AFF1: variants seen among roughly 807,000 people sequenced by gnomAD.
AFF1 encodes the protein ALF transcription elongation factor 1.
Under a neutral mutation model 121.7 loss-of-function variants are expected in AFF1, and 48 were observed. That is an observed-to-expected ratio of 0.39 (90% confidence interval 0.31 to 0.50). AFF1 has a LOEUF of 0.50. AFF1 is among the 20% of genes least tolerant of loss of function. The pLI is 0.76. For synonymous variants in AFF1, 613 were observed against 563.0 expected, an observed-to-expected ratio of 1.09 and a Z score of -1.26; for missense variants, 1,523 against 1,511.7, an observed-to-expected ratio of 1.01 and a Z score of -0.12.
chr4:87,109,232 C>G (rs1447313120), intron 11 of AFF1, among the ~76,000 whole-genome samples: 2 of 152,162 alleles, frequency 1.3e-5, no homozygotes, highest in African/African-American at 2.4e-5. Context: ...CTGTATTTGT[C>G]TCTGTTTAGA....
chr4:86,958,771 A>C (rs1351840697), intron 2 of AFF1, among the ~76,000 whole-genome samples: 10 of 152,188 alleles, frequency 6.6e-5, no homozygotes, highest in Admixed American at 6.5e-4. Flanking sequence ...TCTTGATCCA[A>C]GGAAACCAAA....
intron 2 of AFF1, among the ~76,000 whole-genome samples, chr4:87,003,104 T>C (rs1253757116): frequency 6.6e-6 from 1 of 152,198 alleles, no homozygotes; most frequent in African/African-American, 2.4e-5. Flanking sequence ...TAATTTTAGA[T>C]GTATTATAAT....
At position 87,138,225 on chromosome 4, in the gene AFF1, G is replaced by A. The variant is rs1352208044; in HGVS notation, c.*2524G>A. The stretch of plus-strand genomic sequence containing the variant: ...AGGTAGTGGCTGATGAATCCTTAAC[G>A]TTCATAGGGTCTTTTTGCTGTTACG... On this transcript the variant is annotated 3_prime_UTR_variant, in exon 21 of 21. Coordinates refer to ENST00000395146, the MANE Select transcript of AFF1 (RefSeq NM_001166693.3). 1 of 232,380 alleles carries A rather than the reference G, an allele frequency of 4.3e-6. No individual in the cohort carries two copies. Among genetic ancestry groups the A allele is most frequent in the African/African-American group, 2.2e-5 (1 of 45,276 alleles). The allele number at this position is 232,380 out of a possible 1,614,324, so 14.4% of individuals were successfully genotyped here. A position where few individuals can be genotyped will look rare whatever the true frequency, so the allele number is the denominator to read the frequency against.
At chr4:87,072,021 G>A (rs1722111714) in intron 4 of AFF1, among the ~76,000 whole-genome samples, 1 of 152,104 alleles carries the variant, frequency 6.6e-6, no homozygotes, top group African/African-American at 2.4e-5. Context: ...GGCAGACGAT[G>A]AGAGAAATAA....
At chr4:87,043,719 T>G (rs994521825) in intron 2 of AFF1, among the ~76,000 whole-genome samples, 1 of 152,254 alleles carries the variant, frequency 6.6e-6, no homozygotes, top group Non-Finnish European at 1.5e-5. Flanking sequence ...TTATTAACTT[T>G]GTGGTTTTAA....
chr4:87,034,666 A>G (rs976379080), intron 2 of AFF1, among the ~76,000 whole-genome samples: 5 of 152,250 alleles, frequency 3.3e-5, no homozygotes, highest in African/African-American at 1.2e-4. Context: ...AGAATAAAAC[A>G]TGTAACATTA....
chr4:87,022,543 G>GATAT (rs1156817444), intron 2 of AFF1, among the ~76,000 whole-genome samples: 89 of 80,156 alleles, frequency 1.1e-3, no homozygotes, highest in African/African-American at 3.1e-3. Flanking sequence ...CGTGCTTACA[G>GATAT]ATATATATAT....
chr4:87,102,722 T>C (rs904281483), intron 8 of AFF1, among the ~76,000 whole-genome samples: 7 of 152,200 alleles, frequency 4.6e-5, no homozygotes, highest in Admixed American at 1.3e-4. Context: ...AAAAAATTTA[T>C]AGGTGAGAAA....
chr4:86,996,007 T>A (rs1390893784), intron 2 of AFF1, among the ~76,000 whole-genome samples: 1 of 149,424 alleles, frequency 6.7e-6, no homozygotes, highest in African/African-American at 2.5e-5. Flanking sequence ...AGCCGCCCCG[T>A]CTGAGAAGTG....
At position 87,046,723 on chromosome 4, in the gene AFF1, G is replaced by A; in HGVS notation, c.188G>A (p.Arg63Gln). The A allele has an allele frequency of 1.9e-6, 3 of 1,613,590 alleles. No homozygotes were observed. Among genetic ancestry groups the A allele is most frequent in the Middle Eastern group, 1.6e-4 (1 of 6,062 alleles). ...KTAKGDELSSRIQNMLGNYEE... is the reference protein window; with the variant it reads ...KTAKGDELSSQIQNMLGNYEE... ...GCAAAAGGTGATGAGCTGTCTAGTC[G>A]AATACAGAACATGTTGGGAAACTAC... Residue 63 changes from arginine to glutamine, a missense_variant, in exon 4 of 21, where the codon CGA becomes CAA. Physicochemically the swap from Arg to Gln is conservative, Grantham distance 43. Around this residue, in one of 5 missense-constraint regions of AFF1, gnomAD observed 369 missense variants for 367.2 expected, o/e 1.00. Transcript: ENST00000395146.
At position 87,088,808 on chromosome 4, in the gene AFF1, A is replaced by G. The variant is rs532447313; in HGVS notation, c.1105-1176A>G. Among the ~76,000 whole-genome samples, 6 of 151,610 alleles carry G rather than the reference A, an allele frequency of 4.0e-5. No individual in the cohort carries two copies. The South Asian group carries it at 1.0e-3, about 26-fold the overall frequency. ...TTATTTATTTTTGAGACGGAGTTTC[A>G]TTCTTGTTGCCCAGGCTGGAGTGCA... On this transcript the variant is annotated intron_variant, in intron 5 of 20. Coordinates refer to ENST00000395146, the MANE Select transcript of AFF1 (RefSeq NM_001166693.3).
chr4:87,007,226 C>G (rs1305715654), intron 2 of AFF1: 5 of 1,458,472 alleles, frequency 3.4e-6, no homozygotes, highest in Non-Finnish European at 4.5e-6. Context: ...CAATACGGGC[C>G]GAGCCCGGGG....
At chr4:87,101,718 T>C (rs1005057290) in intron 8 of AFF1, among the ~76,000 whole-genome samples, 7 of 152,234 alleles carry the variant, frequency 4.6e-5, no homozygotes, top group African/African-American at 1.7e-4. Flanking sequence ...CATTCTCACA[T>C]ACTTGTTAGT....
At chr4:87,094,879 G>A (rs372073988) in intron 7 of AFF1, 36 bp from the exon 8 acceptor site, 460 of 1,601,432 alleles carry the variant, frequency 2.9e-4, no homozygotes, top group Middle Eastern at 6.6e-4. Flanking sequence ...GTAAATATGT[G>A]TCATTGTGCT....
At position 87,136,286 on chromosome 4, in the gene AFF1, A is replaced by G. The variant is rs1038173644; in HGVS notation, c.*585A>G. 1.3e-5 allele frequency: 3 copies of G among 232,104 alleles called. No individual in the cohort carries two copies. The highest frequency in any genetic ancestry group is 5.6e-5 in the Admixed American group (1 of 17,738). The allele number at this position is 232,104 out of a possible 1,614,324, so 14.4% of individuals were successfully genotyped here. A position where few individuals can be genotyped will look rare whatever the true frequency, so the allele number is the denominator to read the frequency against. On this transcript the variant is annotated 3_prime_UTR_variant, in exon 21 of 21. Transcript: ENST00000395146. ...TCTGCCAATGAACAGTGGCTTGATAATACCAAGTATTGTTGTAATTTATAA... is the reference window on the plus strand; with the variant it reads ...TCTGCCAATGAACAGTGGCTTGATAGTACCAAGTATTGTTGTAATTTATAA...
At chr4:87,053,222 A>G (rs1731443448) in intron 4 of AFF1, among the ~76,000 whole-genome samples, 5 of 152,160 alleles carry the variant, frequency 3.3e-5, no homozygotes, top group Admixed American at 2.0e-4. Flanking sequence ...ATTGTGACTG[A>G]TTTCTGCAAA....
Position 86,949,537 on chromosome 4 carries a change from ATTT to A in AFF1, c.38+983_38+985del, listed in dbSNP as rs754229542. The stretch of plus-strand genomic sequence containing the variant: ...CTATTTATTAATTATTATTATTATT[ATTT>A]TTTTTTTTTTTTTTTTCCCGACTGG... On this transcript the variant is annotated intron_variant, in intron 2 of 20. Coordinates refer to ENST00000395146, the MANE Select transcript of AFF1 (RefSeq NM_001166693.3). 1.2e-3 allele frequency: 300 copies of A among 248,146 alleles called. 1 individual carries two copies. Among genetic ancestry groups the A allele is most frequent in the East Asian group, 2.2e-3 (17 of 7,680 alleles). The allele number at this position is 248,146 out of a possible 1,614,324, so 15.4% of individuals were successfully genotyped here. A position where few individuals can be genotyped will look rare whatever the true frequency, so the allele number is the denominator to read the frequency against.
rs75999355 is a variant in AFF1 at position 87,003,958 on chromosome 4, C to G, written c.39-42208C>G. 4.4e-3 allele frequency among the ~76,000 whole-genome samples: 675 copies of G among 152,278 alleles called. 4 individuals carry two copies. Among genetic ancestry groups the G allele is most frequent in the African/African-American group, 0.015 (616 of 41,556 alleles). Reference sequence around the variant, plus strand: ...CAAGGATTATAAATCAAGACTGAACCAAAAACTTCTTAAAATTATTTTCTA... The same window carrying G: ...CAAGGATTATAAATCAAGACTGAACGAAAAACTTCTTAAAATTATTTTCTA... On this transcript the variant is annotated intron_variant, in intron 2 of 20. Coordinates refer to ENST00000395146, the MANE Select transcript of AFF1 (RefSeq NM_001166693.3).
At chr4:86,999,656 T>G (rs1725529114) in intron 2 of AFF1, among the ~76,000 whole-genome samples, 1 of 152,198 alleles carries the variant, frequency 6.6e-6, no homozygotes, top group Non-Finnish European at 1.5e-5. Flanking sequence ...AGACAGCATT[T>G]AGATTGAGAA....
Sources: gnomAD v4.1 joint callset for allele counts (sites outside exome capture counted in the v4.1 genomes callset) on GRCh38, gnomAD v4.1.1 for gene constraint, gnomAD v4.1.1 regional missense constraint, MANE v1.5 for transcripts, NCBI Gene and HGNC (gene_info 2026-07-23, HGNC 2026-07-21) for gene names.